SLC9B2: variants seen among roughly 807,000 people sequenced by gnomAD.
SLC9B2 encodes sodium/hydrogen exchanger 9B2.
A neutral mutation model predicts 52.2 loss-of-function variants in SLC9B2; 39 were observed. That is an observed-to-expected ratio of 0.75 (90% CI 0.58 to 0.98). The LOEUF is 0.98. SLC9B2 is among the 50% of genes least tolerant of loss of function. SLC9B2 has a pLI of 0.00. For missense variants in SLC9B2, 626 were observed against 637.5 expected (o/e 0.98, Z 0.19); for synonymous variants, 214 against 227.0 (o/e 0.94, Z 0.51).
chr4:103,038,446 T>C (rs988518451), intron 9 of SLC9B2, among the ~76,000 whole-genome samples: 6 of 152,152 alleles, frequency 3.9e-5, no homozygotes, highest in Non-Finnish European at 5.9e-5. Context: ...TAGAAAAACA[T>C]AGAAAAGTCA....
intron 1 of SLC9B2, among the ~76,000 whole-genome samples, chr4:103,075,902 T>C (rs1261699572): frequency 2.0e-5 from 3 of 152,210 alleles, no homozygotes; most frequent in African/African-American, 4.8e-5. Flanking sequence ...CTTAAGGTTA[T>C]ATTCTTCAGT....
downstream of SLC9B2, chr4:103,019,744 A>G (rs1442120502): frequency 1.0e-6 from 1 of 985,550 alleles, no homozygotes; most frequent in East Asian, 1.1e-4. Flanking sequence ...CGGGGCGAGG[A>G]GGCGGCAGCG....
At position 103,067,604 on chromosome 4, in the gene SLC9B2, G is replaced by T; in HGVS notation, c.-42-12C>A. The T allele has an allele frequency of 7.4e-7, 1 of 1,348,736 alleles. No homozygotes were observed. The highest frequency in any genetic ancestry group is 1.1e-6 in the Non-Finnish European group (1 of 943,784). 83.5% of individuals were successfully genotyped at this position (1,348,736 alleles called of 1,614,324 possible). A position where few individuals can be genotyped will look rare whatever the true frequency, so the allele number is the denominator to read the frequency against. ...AAGAGGAACGAGATCTGTTTTGAAA[G>T]AGTATAGATATAGAGCAGTAATTTG... On this transcript the variant is annotated splice_polypyrimidine_tract_variant and intron_variant, in intron 1 of 11. Coordinates refer to ENST00000394785, the MANE Select transcript of SLC9B2 (RefSeq NM_178833.7).
chr4:103,069,551 GATT>G (rs1746438005), intron 1 of SLC9B2, among the ~76,000 whole-genome samples: 1 of 152,172 alleles, frequency 6.6e-6, no homozygotes, highest in South Asian at 2.1e-4. Flanking sequence ...CCTTCTTCCT[GATT>G]ATCATAAGAA....
intron 11 of SLC9B2, among the ~76,000 whole-genome samples, chr4:103,028,381 TC>T (rs1319642675): frequency 2.0e-5 from 3 of 152,158 alleles, no homozygotes; most frequent in Admixed American, 2.0e-4. Flanking sequence ...CCATGTTATT[TC>T]TATTTTACTC....
intron 9 of SLC9B2, among the ~76,000 whole-genome samples, chr4:103,038,026 G>T (rs1222823858): frequency 6.6e-6 from 1 of 151,732 alleles, no homozygotes; most frequent in Non-Finnish European, 1.5e-5. Context: ...CACACCCGGG[G>T]AAGTTTTGTA....
At chr4:103,032,511 T>G (rs1236191431) in intron 9 of SLC9B2, among the ~76,000 whole-genome samples, 2 of 152,118 alleles carry the variant, frequency 1.3e-5, no homozygotes, top group Non-Finnish European at 2.9e-5. Flanking sequence ...GGTAGCACCA[T>G]GTTAAACTTT....
chr4:103,020,476 G>T (rs946115739), downstream of SLC9B2: 3 of 368,434 alleles, frequency 8.1e-6, no homozygotes, highest in African/African-American at 6.4e-5. Flanking sequence ...TGTTTCTCCT[G>T]ACACTCAATG....
At chr4:103,060,665 C>T (rs1237775711) in intron 3 of SLC9B2, among the ~76,000 whole-genome samples, 2 of 146,444 alleles carry the variant, frequency 1.4e-5, no homozygotes, top group Admixed American at 6.9e-5. Context: ...TTTAGTTTGT[C>T]TTTTGCAACA....
In SLC9B2 at chr4:103,024,570, T is replaced by C. The variant is rs1742044826; in HGVS notation, c.*1800A>G. Among the ~76,000 whole-genome samples the C allele has an allele frequency of 6.6e-6, 1 of 152,222 alleles. No individual in the cohort carries two copies. Among genetic ancestry groups the C allele is most frequent in the African/African-American group, 2.4e-5 (1 of 41,458 alleles). ...TGAAGAGAGGAATGGACAGGCTTTATTTATGCAGATCAGCTTGGTGGGATT... is the reference window on the plus strand; with the variant it reads ...TGAAGAGAGGAATGGACAGGCTTTACTTATGCAGATCAGCTTGGTGGGATT... On this transcript the variant is annotated 3_prime_UTR_variant, in exon 12 of 12. Transcript: ENST00000394785.
chr4:103,064,571 T>C (rs1175178711), intron 3 of SLC9B2, among the ~76,000 whole-genome samples: 1 of 152,110 alleles, frequency 6.6e-6, no homozygotes, highest in African/African-American at 2.4e-5. Context: ...AGTAGTTTGT[T>C]CTGTACCACA....
chr4:103,048,705 T>G (rs1269532707), intron 6 of SLC9B2, 188 bp downstream of exon 6: 1 of 663,028 alleles, frequency 1.5e-6, no homozygotes, highest in African/African-American at 1.8e-5. Flanking sequence ...AGGTGCTAAC[T>G]GTAAGAGTTA....
At chr4:103,065,188 A>G (rs1578479601) in intron 3 of SLC9B2, among the ~76,000 whole-genome samples, 1 of 149,384 alleles carries the variant, frequency 6.7e-6, no homozygotes, top group Non-Finnish European at 1.5e-5. Context: ...ACGCACACAC[A>G]CACACACACA....
At position 103,028,622 on chromosome 4, in the gene SLC9B2, A is replaced by C. The variant is rs146805271; in HGVS notation, c.1392+125T>G. On this transcript the variant is annotated intron_variant, in intron 11 of 11. Coordinates refer to ENST00000394785, the MANE Select transcript of SLC9B2 (RefSeq NM_178833.7). Reference sequence around the variant, plus strand: ...GGTTTTAAAGAATAGATTAGGATAAACTCTTTTCATAAATCCACTTCAATT... The same window carrying C: ...GGTTTTAAAGAATAGATTAGGATAACCTCTTTTCATAAATCCACTTCAATT... The C allele has an allele frequency of 9.4e-4, 1,137 of 1,204,736 alleles. 9 individuals are homozygous for C. The African/African-American group carries it at 0.016, about 17-fold the overall frequency. 74.6% of individuals were successfully genotyped at this position (1,204,736 alleles called of 1,614,324 possible). A position where few individuals can be genotyped will look rare whatever the true frequency, so the allele number is the denominator to read the frequency against.
chr4:103,067,513 G>A lies in SLC9B2; in HGVS notation c.38C>T (p.Ser13Leu), dbSNP rs748911876. 2.5e-6 allele frequency: 4 copies of A among 1,613,268 alleles called. No homozygotes were observed. The highest frequency in any genetic ancestry group is 2.2e-5 in the South Asian group (2 of 91,068). Reference sequence around the variant, plus strand: ...GTAATTCATTCCTGTGGATGGTTCTGAATCTTCATATGTAATTCTTTTATC... The same window carrying A: ...GTAATTCATTCCTGTGGATGGTTCTAAATCTTCATATGTAATTCTTTTATC... ...DEDKRITYED[S>L]EPSTGMNYTP... Residue 13 changes from serine (S) to leucine (L), a missense_variant, in exon 2 of 12, where the codon TCA (serine) becomes TTA (leucine). By Grantham distance (145) the Ser-to-Leu change is moderately radical. Coordinates refer to ENST00000394785, the MANE Select transcript of SLC9B2 (RefSeq NM_178833.7).
chr4:103,037,604 T>C (rs1286950335), intron 9 of SLC9B2, among the ~76,000 whole-genome samples: 2 of 152,246 alleles, frequency 1.3e-5, no homozygotes, highest in Non-Finnish European at 2.9e-5. Context: ...GTTCTGTTTC[T>C]ATAGCATGAA....
chr4:103,030,900 A>C (rs1264849655), intron 10 of SLC9B2, among the ~76,000 whole-genome samples: 1 of 152,086 alleles, frequency 6.6e-6, no homozygotes, highest in Admixed American at 6.6e-5. Flanking sequence ...TACTCTGGAT[A>C]CCTCATGTAA....
chr4:103,042,037 G>A (rs966469871), intron 9 of SLC9B2: 2 of 151,948 alleles, frequency 1.3e-5, no homozygotes, highest in Non-Finnish European at 2.9e-5. Flanking sequence ...AATATAATGA[G>A]TTGATTTCAA....
At chr4:103,045,108 C>T in intron 7 of SLC9B2, 112 bp from the exon 8 acceptor site, 1 of 687,262 alleles carries the variant, frequency 1.5e-6, no homozygotes, top group East Asian at 2.7e-5. Flanking sequence ...ATTTTAAAGA[C>T]AGTTTCTGCT....
Sources: allele counts gnomAD v4.1 joint callset (sites outside exome capture counted in the v4.1 genomes callset), GRCh38; gene constraint gnomAD v4.1.1; transcripts MANE v1.5; gene names NCBI Gene and HGNC (gene_info 2026-07-23, HGNC 2026-07-21).